The following MGAT4C variants were observed in gnomAD, a reference collection of about 807,000 sequenced individuals.
The protein encoded by MGAT4C is alpha-1,3-mannosyl-glycoprotein 4-beta-N-acetylglucosaminyltransferase C.
MGAT4C carries 19 observed loss-of-function variants against 40.1 expected under a neutral mutation model. That is an observed-to-expected ratio of 0.47 (90% confidence interval 0.33 to 0.70). The LOEUF (loss-of-function observed/expected upper bound fraction) is 0.70, where lower values mean the gene tolerates loss of function less well. MGAT4C is among the 30% of genes least tolerant of loss of function. The probability of loss-of-function intolerance (pLI) is 0.02; values close to 1 mark genes in which losing one functional copy is unlikely to be tolerated. For missense variants in MGAT4C, 491 were observed against 563.2 expected, an observed-to-expected ratio of 0.87 and a Z score of 1.30; for synonymous variants, 181 against 187.1, an observed-to-expected ratio of 0.97 and a Z score of 0.27.
chr12:86,564,908 A>G (rs973783086), intron 2 of MGAT4C, among the ~76,000 whole-genome samples: 2 of 152,100 alleles, frequency 1.3e-5, no homozygotes, highest in African/African-American at 2.4e-5. Flanking sequence ...AGCAGATCCA[A>G]TGGTTCTTGA....
intron 3 of MGAT4C, among the ~76,000 whole-genome samples, chr12:86,337,973 A>G (rs1566300027): frequency 6.6e-6 from 1 of 152,292 alleles, no homozygotes; most frequent in African/African-American, 2.4e-5. Context: ...AGCAGCAATC[A>G]TAAGAGAAAG....
intron 1 of MGAT4C, among the ~76,000 whole-genome samples, chr12:86,776,338 A>G (rs1401467548): frequency 6.6e-6 from 1 of 152,094 alleles, no homozygotes; most frequent in Non-Finnish European, 1.5e-5. Context: ...ACTAAAACTT[A>G]AAGATGAATT....
intron 3 of MGAT4C, among the ~76,000 whole-genome samples, chr12:86,404,012 T>C (rs965420308): frequency 1.5e-4 from 23 of 152,132 alleles, no homozygotes; most frequent in Non-Finnish European, 2.9e-4. Context: ...GAAATAATAA[T>C]GAAGACTGTA....
chr12:85,990,434 A>G (rs995977470), intron 2 of MGAT4C, among the ~76,000 whole-genome samples: 3 of 152,166 alleles, frequency 2.0e-5, no homozygotes, highest in Admixed American at 1.3e-4. Context: ...ACCTGAAAAC[A>G]GAGCTACTTA....
chr12:86,112,489 C>A (rs1158481530), intron 1 of MGAT4C, among the ~76,000 whole-genome samples: 5 of 151,672 alleles, frequency 3.3e-5, no homozygotes, highest in African/African-American at 1.2e-4. Flanking sequence ...AAGCTTGATA[C>A]TGATTAGCCA....
At chr12:86,526,932 A>G (rs939576217) in intron 2 of MGAT4C, among the ~76,000 whole-genome samples, 28 of 152,198 alleles carry the variant, frequency 1.8e-4, no homozygotes, top group African/African-American at 6.3e-4. Context: ...AGTTCAATTC[A>G]CCCATTGTCC....
chr12:86,626,094 C>T (rs1254342894), intron 2 of MGAT4C, among the ~76,000 whole-genome samples: 1 of 152,070 alleles, frequency 6.6e-6, no homozygotes, highest in Admixed American at 6.5e-5. Flanking sequence ...TTAATGCAAG[C>T]CAGGCTCTAT....
At chr12:85,998,272 AT>A (rs1565835565) in intron 2 of MGAT4C, among the ~76,000 whole-genome samples, 2 of 151,998 alleles carry the variant, frequency 1.3e-5, no homozygotes, top group Non-Finnish European at 1.5e-5. Context: ...CTATGAAACC[AT>A]TTTTTCCTCC....
chr12:86,559,743 A>C (rs1301560666), intron 2 of MGAT4C, among the ~76,000 whole-genome samples: 1 of 152,074 alleles, frequency 6.6e-6, no homozygotes, highest in Non-Finnish European at 1.5e-5. Flanking sequence ...TCAAAAAACA[A>C]GAAAAGCAAG....
At chr12:86,579,519 G>A (rs2136432023) in intron 2 of MGAT4C, among the ~76,000 whole-genome samples, 1 of 151,590 alleles carries the variant, frequency 6.6e-6, no homozygotes, top group Admixed American at 6.6e-5. Flanking sequence ...GTCTTGAAAA[G>A]TTGTTGCGGT....
chr12:86,295,668 G>C (rs1037525791), intron 4 of MGAT4C, among the ~76,000 whole-genome samples: 3 of 152,122 alleles, frequency 2.0e-5, no homozygotes, highest in Admixed American at 6.5e-5. Context: ...TGGTAGAGCC[G>C]AGTGGCCTGT....
chr12:86,303,707 G>A (rs1953869018), intron 4 of MGAT4C, among the ~76,000 whole-genome samples: 2 of 150,178 alleles, frequency 1.3e-5, no homozygotes, highest in Admixed American at 1.3e-4. Context: ...ATTACCTTCT[G>A]TATACAGAAA....
intron 3 of MGAT4C, among the ~76,000 whole-genome samples, chr12:86,391,942 C>T (rs990851411): frequency 3.3e-5 from 5 of 152,142 alleles, no homozygotes; most frequent in African/African-American, 1.2e-4. Context: ...AGTTCTGTTA[C>T]ATTTTAGCAG....
intron 3 of MGAT4C, among the ~76,000 whole-genome samples, chr12:86,416,348 A>G (rs1403538479): frequency 1.3e-5 from 2 of 152,112 alleles, no homozygotes; most frequent in Admixed American, 1.3e-4. Flanking sequence ...TGATTTAATT[A>G]TGAATCAGGC....
intron 3 of MGAT4C, among the ~76,000 whole-genome samples, chr12:86,370,127 G>T (rs377450559): frequency 2.6e-5 from 4 of 152,006 alleles, no homozygotes; most frequent in Non-Finnish European, 4.4e-5. Context: ...ATTCAAAAGC[G>T]ATTATTGAGC....
intron 2 of MGAT4C, among the ~76,000 whole-genome samples, chr12:86,464,508 C>T (rs181558970): frequency 2.8e-4 from 43 of 152,206 alleles, no homozygotes; most frequent in African/African-American, 9.6e-4. Flanking sequence ...TCTCCACATA[C>T]ACCTAATTCA....
intron 2 of MGAT4C, among the ~76,000 whole-genome samples, chr12:86,539,600 C>T (rs1267582159): frequency 6.6e-6 from 1 of 152,220 alleles, no homozygotes; most frequent in African/African-American, 2.4e-5. Flanking sequence ...AATCGCCACA[C>T]TGTCTTCCAC....
In MGAT4C at chr12:86,408,469, CTCTCTCTCTCTATATATATA is replaced by C. The variant is rs1330761790; in HGVS notation, c.-120+26668_-120+26687del. On this transcript the variant is annotated intron_variant, in intron 3 of 7. Transcript: ENST00000548651. ...GTAAACTCTCTCTCTCTCTCTCTCT[CTCTCTCTCTCTATATATATA>C]TATATATATATATATATATATATAT... Among the ~76,000 whole-genome samples the C allele has an allele frequency of 2.4e-3, 261 of 109,358 alleles. 1 individual carries two copies. The highest frequency in any genetic ancestry group is 9.7e-3 in the African/African-American group (250 of 25,664). 71.7% of individuals were successfully genotyped at this position (109,358 alleles called of 152,430 possible). A position where few individuals can be genotyped will look rare whatever the true frequency, so the allele number is the denominator to read the frequency against.
At chr12:86,356,923 G>C (rs554540239) in intron 3 of MGAT4C, among the ~76,000 whole-genome samples, 1 of 152,316 alleles carries the variant, frequency 6.6e-6, no homozygotes, top group East Asian at 1.9e-4. Flanking sequence ...AAAGGCAGCA[G>C]AAACTTCTGC....
Sources: allele counts gnomAD v4.1 joint callset (sites outside exome capture counted in the v4.1 genomes callset), GRCh38; gene constraint gnomAD v4.1.1; transcripts MANE v1.5; gene names NCBI Gene and HGNC (gene_info 2026-07-23, HGNC 2026-07-21).